Variants in DBT observed in about 807,000 individuals in gnomAD.
The protein encoded by DBT is dihydrolipoamide branched chain transacylase E2.
In DBT, 40 loss-of-function variants were observed where a neutral mutation model predicts 51.3. The ratio of observed to expected loss-of-function variants is 0.78; its 90% CI spans 0.61 to 1.02. The LOEUF is 1.02. Ranked by LOEUF, DBT falls within the 50% of genes least tolerant of loss-of-function variation. DBT has a pLI of 0.00. For missense variants in DBT, 510 were observed against 580.2 expected, an observed-to-expected ratio of 0.88 and a Z score of 1.24; for synonymous variants, 181 against 190.4, an observed-to-expected ratio of 0.95 and a Z score of 0.41.
chr1:100,218,029 C>T (rs1662600905), intron 5 of DBT, among the ~76,000 whole-genome samples: 1 of 152,190 alleles, frequency 6.6e-6, no homozygotes, highest in South Asian at 2.1e-4. Flanking sequence ...ATCCCAGTGC[C>T]AGGGAGCCAC....
chr1:100,209,508 C>T (rs962783130), intron 8 of DBT, among the ~76,000 whole-genome samples: 1 of 152,188 alleles, frequency 6.6e-6, no homozygotes, highest in South Asian at 2.1e-4. Context: ...GAGCTGACCT[C>T]CCAGAATATC....
At chr1:100,217,416 T>A (rs1275551732) in intron 5 of DBT, among the ~76,000 whole-genome samples, 1 of 152,228 alleles carries the variant, frequency 6.6e-6, no homozygotes, top group Non-Finnish European at 1.5e-5. Context: ...ATTTAAGGGT[T>A]ACATAACATT....
intron 1 of DBT, among the ~76,000 whole-genome samples, chr1:100,244,184 C>T (rs1490625403): frequency 6.6e-6 from 1 of 151,050 alleles, no homozygotes; most frequent in Non-Finnish European, 1.5e-5. Flanking sequence ...GCATAATAAG[C>T]ATACATAATA....
intron 10 of DBT, among the ~76,000 whole-genome samples, chr1:100,205,622 A>G (rs1216102312): frequency 6.6e-6 from 1 of 152,258 alleles, no homozygotes. Context: ...AGGATTATAA[A>G]TCATGCTACT....
chr1:100,219,284 C>T (rs969940234), intron 4 of DBT, among the ~76,000 whole-genome samples: 6 of 151,456 alleles, frequency 4.0e-5, no homozygotes, highest in African/African-American at 7.3e-5. Context: ...CCCAGGAGGT[C>T]GAGGCTGCAG....
chr1:100,196,901 C>A, intron 10 of DBT: 1 of 197,046 alleles, frequency 5.1e-6, no homozygotes, highest in Non-Finnish European at 1.1e-5. Context: ...GATATTAAAG[C>A]TAGTAAGCAC....
At chr1:100,238,398 TTCC>T (rs1226662260) in intron 2 of DBT, among the ~76,000 whole-genome samples, 12 of 87,310 alleles carry the variant, frequency 1.4e-4, no homozygotes, top group African/African-American at 4.3e-4. Flanking sequence ...CTTCCTCCTC[TTCC>T]TCCTCCTCCT....
Position 100,215,885 on chromosome 1 carries a change from G to A in DBT, c.772+98C>T, listed in dbSNP as rs1214970812. On this transcript the variant is annotated intron_variant, in intron 6 of 10. Coordinates refer to ENST00000370132, the MANE Select transcript of DBT (RefSeq NM_001918.5). ...TGAAGTTGAACTTTCCCTTCAGTAA[G>A]ACTTGAAAACACCATATTATATACA... 6 of 805,640 alleles carry A rather than the reference G, an allele frequency of 7.4e-6. No homozygotes were observed. The African/African-American group carries it at 1.0e-4, about 14-fold the overall frequency. 49.9% of individuals were successfully genotyped at this position (805,640 alleles called of 1,614,324 possible).
chr1:100,210,127 A>G (rs2100786957), intron 8 of DBT, among the ~76,000 whole-genome samples: 1 of 152,012 alleles, frequency 6.6e-6, no homozygotes, highest in South Asian at 2.1e-4. Context: ...CCTGGGCAAC[A>G]TAATGAGACC....
intron 6 of DBT, 77 bp from the exon 7 acceptor site, chr1:100,215,060 T>A: frequency 9.7e-7 from 1 of 1,031,858 alleles, no homozygotes; most frequent in Non-Finnish European, 1.5e-6. Flanking sequence ...TTAAAGAAAC[T>A]AAAATGGAAG....
intron 10 of DBT, among the ~76,000 whole-genome samples, chr1:100,201,387 G>T (rs1661426919): frequency 6.6e-6 from 1 of 152,112 alleles, no homozygotes; most frequent in African/African-American, 2.4e-5. Context: ...AAAGCCTCAA[G>T]AAATATGAGA....
chr1:100,200,053 C>T (rs1158042229), intron 10 of DBT, among the ~76,000 whole-genome samples: 2 of 151,868 alleles, frequency 1.3e-5, no homozygotes, highest in Non-Finnish European at 2.9e-5. Context: ...TAAGACAGAA[C>T]TGTGAGAGAC....
chr1:100,220,452 A>C (rs939749051), intron 4 of DBT, among the ~76,000 whole-genome samples: 9 of 152,184 alleles, frequency 5.9e-5, no homozygotes, highest in African/African-American at 2.2e-4. Flanking sequence ...GTAAATAAAA[A>C]TCTTCTACTA....
rs868378609 is a variant in DBT, at chr1:100,225,050, T to C, written c.433+5683A>G. On this transcript the variant is annotated intron_variant, in intron 4 of 10. Coordinates refer to ENST00000370132, the MANE Select transcript of DBT (RefSeq NM_001918.5). ...AAAAAAAAAAAAAAAAAAATATATA[T>C]ATACACACACACACACACACACACA... Among the ~76,000 whole-genome samples, 186 of 78,092 alleles carry C rather than the reference T, an allele frequency of 2.4e-3. 13 individuals are homozygous for C. Among genetic ancestry groups the C allele is most frequent in the Non-Finnish European group, 3.3e-3 (129 of 39,318 alleles). The allele number at this position is 78,092 out of a possible 152,430, so 51.2% of individuals were successfully genotyped here. A position where few individuals can be genotyped will look rare whatever the true frequency, so the allele number is the denominator to read the frequency against.
At chr1:100,206,870 G>A (rs527492588) in intron 8 of DBT, among the ~76,000 whole-genome samples, 2 of 152,234 alleles carry the variant, frequency 1.3e-5, no homozygotes, top group Admixed American at 1.3e-4. Flanking sequence ...GATTACCTGA[G>A]GTCATGAGTT....
intron 3 of DBT, among the ~76,000 whole-genome samples, chr1:100,235,158 A>G (rs549796393): frequency 6.6e-6 from 1 of 152,324 alleles, no homozygotes; most frequent in African/African-American, 2.4e-5. Flanking sequence ...CATTCTTACT[A>G]AAGTCATTTT....
chr1:100,221,954 T>C (rs1371816580), intron 4 of DBT, among the ~76,000 whole-genome samples: 1 of 152,196 alleles, frequency 6.6e-6, no homozygotes, highest in African/African-American at 2.4e-5. Context: ...TGCTTTGAAA[T>C]ACTAAAGTAT....
In DBT at chr1:100,196,431, GAAAAAAAAAA is replaced by G. The variant is rs752915898; in HGVS notation, c.1282-19_1282-10del. On this transcript the variant is annotated splice_polypyrimidine_tract_variant and intron_variant, in intron 10 of 10. Coordinates refer to ENST00000370132, the MANE Select transcript of DBT (RefSeq NM_001918.5). ...TTAAATCGGGGAATGGCCTAGAAAT[GAAAAAAAAAA>G]AAAAAAAAAAAAAAAAAAGAACAAA... 1,101 of 647,360 alleles carry G rather than the reference GAAAAAAAAAA, an allele frequency of 1.7e-3. No individual in the cohort carries two copies. The highest frequency in any genetic ancestry group is 2.5e-3 in the East Asian group (55 of 22,318). The allele number at this position is 647,360 out of a possible 1,614,324, so 40.1% of individuals were successfully genotyped here. A position where few individuals can be genotyped will look rare whatever the true frequency, so the allele number is the denominator to read the frequency against.
At chr1:100,206,682 A>G in intron 8 of DBT, 46 bp from the exon 9 acceptor site, 1 of 1,104,608 alleles carries the variant, frequency 9.1e-7, no homozygotes, top group Non-Finnish European at 1.4e-6. Context: ...TGAATAAGCT[A>G]ACAGCAAAGA....
Sources: gnomAD v4.1 joint callset for allele counts (sites outside exome capture counted in the v4.1 genomes callset) on GRCh38, gnomAD v4.1.1 for gene constraint, MANE v1.5 for transcripts, NCBI Gene and HGNC (gene_info 2026-07-23, HGNC 2026-07-21) for gene names.